The following MAD1L1 variants were observed in gnomAD, a reference collection of about 807,000 sequenced individuals.
MAD1L1 encodes the protein mitotic arrest deficient 1 like 1, also known as mitotic spindle assembly checkpoint protein MAD1.
Under a neutral mutation model 96.9 loss-of-function variants are expected in MAD1L1, and 95 were observed. That is an observed-to-expected ratio of 0.98 (90% confidence interval 0.83 to 1.16). The LOEUF (loss-of-function observed/expected upper bound fraction) is 1.16, where lower values mean the gene tolerates loss of function less well. Among genes scored for constraint, MAD1L1 ranks in the 50% most tolerant of loss-of-function variants. The pLI is 0.00. For missense variants in MAD1L1, 1,007 were observed against 954.4 expected (o/e 1.06, Z -0.73); for synonymous variants, 473 against 396.6 (o/e 1.19, Z -2.29).
chr7:1,918,487 C>A (rs1788560712), intron 17 of MAD1L1, among the ~76,000 whole-genome samples: 2 of 152,190 alleles, frequency 1.3e-5, no homozygotes, highest in Admixed American at 6.5e-5. Flanking sequence ...CTCCGAGGCC[C>A]AGGCCGGGTC....
At chr7:1,939,688 C>A (rs1778849024) in intron 16 of MAD1L1, among the ~76,000 whole-genome samples, 1 of 152,250 alleles carries the variant, frequency 6.6e-6, no homozygotes, top group Non-Finnish European at 1.5e-5. Context: ...GGAAACACAT[C>A]CTGTGTTCAG....
rs147418620 is a variant in MAD1L1, at chr7:2,186,435, G to A, written c.986+26777C>T. On this transcript the variant is annotated intron_variant, in intron 10 of 18. Coordinates refer to ENST00000265854, the MANE Select transcript of MAD1L1 (RefSeq NM_001013836.2). Reference sequence around the variant, plus strand: ...GGAAAATAATATAACAATACAGGCCGTATGATGCCATTTGTTATGTACGTA... The same window carrying A: ...GGAAAATAATATAACAATACAGGCCATATGATGCCATTTGTTATGTACGTA... Among the ~76,000 whole-genome samples, 672 of 152,232 alleles carry A rather than the reference G, an allele frequency of 4.4e-3. 9 individuals carry two copies. Among genetic ancestry groups the A allele is most frequent in the African/African-American group, 0.015 (606 of 41,542 alleles).
intron 11 of MAD1L1, among the ~76,000 whole-genome samples, chr7:2,125,109 A>C (rs1292223278): frequency 6.6e-6 from 1 of 152,160 alleles, no homozygotes; most frequent in Non-Finnish European, 1.5e-5. Flanking sequence ...TCAGGGCTGC[A>C]CTTTACAGAC....
At chr7:1,997,115 C>T (rs1048192753) in intron 14 of MAD1L1, among the ~76,000 whole-genome samples, 4 of 152,196 alleles carry the variant, frequency 2.6e-5, no homozygotes, top group South Asian at 2.1e-4. Flanking sequence ...CTAATTAGTA[C>T]GGGTTTGCTA....
At chr7:2,057,252 G>A (rs1055106306) in intron 12 of MAD1L1, among the ~76,000 whole-genome samples, 1 of 152,230 alleles carries the variant, frequency 6.6e-6, no homozygotes, top group Non-Finnish European at 1.5e-5. Context: ...ATGACCGAGC[G>A]CGGTGCCTCA....
At chr7:2,212,992 G>T (rs2114987630) in intron 10 of MAD1L1, among the ~76,000 whole-genome samples, 1 of 152,354 alleles carries the variant, frequency 6.6e-6, no homozygotes, top group East Asian at 1.9e-4. Flanking sequence ...GCTTCTGAAT[G>T]AAGATGTTAC....
chr7:2,043,578 C>G (rs1252575375), intron 12 of MAD1L1, among the ~76,000 whole-genome samples: 4 of 152,216 alleles, frequency 2.6e-5, no homozygotes, highest in Non-Finnish European at 5.9e-5. Flanking sequence ...TACAAGGACG[C>G]TGGGTCATGA....
chr7:1,984,692 T>A (rs1781064202), intron 14 of MAD1L1, among the ~76,000 whole-genome samples: 1 of 152,264 alleles, frequency 6.6e-6, no homozygotes, highest in South Asian at 2.1e-4. Flanking sequence ...TTCACCAGGA[T>A]GCCTTTGCTT....
chr7:2,149,883 C>G (rs1033488208), intron 10 of MAD1L1, among the ~76,000 whole-genome samples: 1 of 152,262 alleles, frequency 6.6e-6, no homozygotes, highest in Non-Finnish European at 1.5e-5. Context: ...CAGCAAGGAT[C>G]TGAGCCATGC....
chr7:1,922,327 G>C (rs993692441), intron 17 of MAD1L1, among the ~76,000 whole-genome samples: 1 of 152,278 alleles, frequency 6.6e-6, no homozygotes, highest in Non-Finnish European at 1.5e-5. Flanking sequence ...GCTTGCCGTT[G>C]TCGGCGTGCT....
intron 10 of MAD1L1, among the ~76,000 whole-genome samples, chr7:2,165,883 A>T (rs1790404518): frequency 6.6e-6 from 1 of 152,158 alleles, no homozygotes; most frequent in Non-Finnish European, 1.5e-5. Context: ...TGACAAAGGC[A>T]GGTCTGTGTA....
At chr7:1,988,227 T>C (rs1725114017) in intron 14 of MAD1L1, among the ~76,000 whole-genome samples, 1 of 152,032 alleles carries the variant, frequency 6.6e-6, no homozygotes, top group Non-Finnish European at 1.5e-5. Flanking sequence ...GGAGGGCCCA[T>C]TCATTATTCA....
intron 9 of MAD1L1, among the ~76,000 whole-genome samples, chr7:2,213,974 G>A (rs1451269661): frequency 3.9e-5 from 6 of 152,242 alleles, no homozygotes; most frequent in South Asian, 2.1e-4. Context: ...TGTTATCAAC[G>A]CTCCACTCGG....
At chr7:1,847,417 T>G (rs866537400) in intron 18 of MAD1L1, 1 of 470,786 alleles carries the variant, frequency 2.1e-6, no homozygotes, top group Middle Eastern at 3.2e-4. Flanking sequence ...GCCCGATGTA[T>G]CTACCAGGAG....
chr7:1,847,414 G>A (rs1583541991), intron 18 of MAD1L1: 3 of 470,836 alleles, frequency 6.4e-6, no homozygotes, highest in South Asian at 4.6e-5. Flanking sequence ...GGGGCCCGAT[G>A]TATCTACCAG....
intron 17 of MAD1L1, among the ~76,000 whole-genome samples, chr7:1,916,257 C>T (rs1321377789): frequency 6.6e-6 from 1 of 152,194 alleles, no homozygotes; most frequent in Non-Finnish European, 1.5e-5. Flanking sequence ...GGAAATTCCC[C>T]TCCCGTCTGG....
intron 14 of MAD1L1, among the ~76,000 whole-genome samples, chr7:1,988,972 G>A (rs1482826986): frequency 1.3e-5 from 2 of 152,218 alleles, no homozygotes; most frequent in Non-Finnish European, 2.9e-5. Flanking sequence ...AGCCCTTCCT[G>A]GGCTGCCTCA....
chr7:1,962,292 CTT>C (rs1338300185), intron 15 of MAD1L1, among the ~76,000 whole-genome samples: 1 of 152,244 alleles, frequency 6.6e-6, no homozygotes, highest in Non-Finnish European at 1.5e-5. Flanking sequence ...TAAGATGTGC[CTT>C]TTGCCTGCTG....
chr7:2,031,863 C>CA (rs1267966432), intron 12 of MAD1L1, among the ~76,000 whole-genome samples: 1 of 152,254 alleles, frequency 6.6e-6, no homozygotes, highest in Non-Finnish European at 1.5e-5. Context: ...ACGTGGGAAA[C>CA]AGACAGCACA....
Sources: allele counts gnomAD v4.1 joint callset (sites outside exome capture counted in the v4.1 genomes callset), GRCh38; gene constraint gnomAD v4.1.1; transcripts MANE v1.5; gene names NCBI Gene and HGNC (gene_info 2026-07-23, HGNC 2026-07-21).